Variants in NSMCE2 observed in about 807,000 individuals in gnomAD.
The protein encoded by NSMCE2 is E3 SUMO-protein ligase NSE2.
Under a neutral mutation model 23.8 loss-of-function variants are expected in NSMCE2, and 24 were observed. The observed-to-expected ratio is 1.01, with a 90% CI of 0.73 to 1.42. The LOEUF (loss-of-function observed/expected upper bound fraction) is 1.42. Among genes scored for constraint, NSMCE2 ranks in the 40% most tolerant of loss-of-function variants. NSMCE2 has a pLI of 0.00. For missense variants in NSMCE2, 284 were observed against 296.5 expected (o/e 0.96, Z 0.31); for synonymous variants, 92 against 94.1 (o/e 0.98, Z 0.13).
rs1818217236 is a variant in NSMCE2, at chr8:125,102,056, A to G, written c.-105A>G. 6.5e-6 allele frequency: 2 copies of G among 308,682 alleles called. No homozygotes were observed. Among genetic ancestry groups the G allele is most frequent in the Non-Finnish European group, 1.2e-5 (2 of 164,588 alleles). The allele number at this position is 308,682 out of a possible 1,614,324, so 19.1% of individuals were successfully genotyped here. Reference sequence around the variant, plus strand: ...TATTGTTGACTTCTTCACAGAATCAAGCACTCTTTTGGAAGAGGGTAATCT... The same window carrying G: ...TATTGTTGACTTCTTCACAGAATCAGGCACTCTTTTGGAAGAGGGTAATCT... On this transcript the variant is annotated 5_prime_UTR_variant, in exon 2 of 8. Transcript: ENST00000287437.
intron 5 of NSMCE2, among the ~76,000 whole-genome samples, chr8:125,321,955 C>T (rs773051884): frequency 6.6e-6 from 1 of 152,148 alleles, no homozygotes; most frequent in Non-Finnish European, 1.5e-5. Flanking sequence ...GGAGGTTGAG[C>T]ATCTTTATGT....
intron 5 of NSMCE2, among the ~76,000 whole-genome samples, chr8:125,255,805 A>C (rs955816888): frequency 5.9e-5 from 9 of 152,182 alleles, no homozygotes; most frequent in African/African-American, 1.2e-4. Context: ...AAATCCTTCT[A>C]TCAGCAGTGG....
chr8:125,285,740 AATTC>A (rs1223848760), intron 5 of NSMCE2, among the ~76,000 whole-genome samples: 4 of 130,462 alleles, frequency 3.1e-5, no homozygotes, highest in African/African-American at 1.2e-4. Flanking sequence ...GTATGCTAAG[AATTC>A]TTCATACACA....
chr8:125,241,783 C>T (rs1047775441), intron 5 of NSMCE2, among the ~76,000 whole-genome samples: 3 of 152,136 alleles, frequency 2.0e-5, no homozygotes, highest in Non-Finnish European at 2.9e-5. Context: ...TTGGAAATCA[C>T]AGAATTTAGT....
rs544326536 is a variant in NSMCE2, at chr8:125,236,466, C to T, written c.418+54210C>T. Among the ~76,000 whole-genome samples the T allele has an allele frequency of 1.7e-3, 254 of 151,736 alleles. 1 individual carries two copies. Among genetic ancestry groups the T allele is most frequent in the Non-Finnish European group, 3.2e-3 (216 of 67,908 alleles). On this transcript the variant is annotated intron_variant, in intron 5 of 7. Transcript: ENST00000287437. ...TAGGGGTCTTAATATATACATTTTA[C>T]ATAATAAGTATATAAATTTATGTGT... is the stretch of plus-strand genomic sequence containing the variant.
chr8:125,234,974 G>A (rs2130957976), intron 5 of NSMCE2, among the ~76,000 whole-genome samples: 1 of 152,230 alleles, frequency 6.6e-6, no homozygotes, highest in African/African-American at 2.4e-5. Flanking sequence ...TCCCTGGCCA[G>A]GCGTGGTGGC....
At chr8:125,345,750 G>C (rs1396290331) in intron 5 of NSMCE2, among the ~76,000 whole-genome samples, 1 of 152,202 alleles carries the variant, frequency 6.6e-6, no homozygotes, top group Non-Finnish European at 1.5e-5. Context: ...AAATATGGGT[G>C]AACTGTAGTC....
intron 5 of NSMCE2, among the ~76,000 whole-genome samples, chr8:125,249,818 A>G (rs765871286): frequency 6.6e-6 from 1 of 152,040 alleles, no homozygotes; most frequent in Non-Finnish European, 1.5e-5. Context: ...GATGGTGATC[A>G]TTATTATTAT....
chr8:125,124,042 C>T (rs988107493), intron 3 of NSMCE2: 1 of 152,164 alleles, frequency 6.6e-6, no homozygotes, highest in Non-Finnish European at 1.5e-5. Context: ...TTAGCTATTG[C>T]CTTCCTGTTT....
chr8:125,193,154 G>T lies in NSMCE2; in HGVS notation c.418+10898G>T, dbSNP rs1469976807. Among the ~76,000 whole-genome samples, 4 of 152,098 alleles carry T rather than the reference G, an allele frequency of 2.6e-5. No homozygotes were observed. In the East Asian group the frequency reaches 7.7e-4, roughly 29 times the overall value. On this transcript the variant is annotated intron_variant, in intron 5 of 7. Transcript: ENST00000287437. The stretch of plus-strand genomic sequence containing the variant: ...GCTTATGCTATTAAGAGTTAACAGG[G>T]TATAAAGTTGAGTATTCAGTATGAT...
intron 3 of NSMCE2, among the ~76,000 whole-genome samples, chr8:125,106,462 G>A (rs1228744010): frequency 1.3e-5 from 2 of 151,802 alleles, no homozygotes; most frequent in Admixed American, 6.6e-5. Context: ...GGTGGATCAC[G>A]AGGTCAGGAG....
At chr8:125,270,974 A>C (rs1253626217) in intron 5 of NSMCE2, 2 of 152,004 alleles carry the variant, frequency 1.3e-5, no homozygotes, top group Non-Finnish European at 2.9e-5. Context: ...GTATAAGACT[A>C]CTCTAGGCCA....
chr8:125,366,635 T>C (rs1197735584), intron 7 of NSMCE2, 133 bp from the exon 8 acceptor site: 1 of 656,536 alleles, frequency 1.5e-6, no homozygotes, highest in African/African-American at 1.8e-5. Flanking sequence ...AATAAATGAA[T>C]GAGCACAGCT....
intron 3 of NSMCE2, among the ~76,000 whole-genome samples, chr8:125,114,263 T>A (rs1426662353): frequency 6.6e-6 from 1 of 152,222 alleles, no homozygotes; most frequent in African/African-American, 2.4e-5. Flanking sequence ...TTATTTATTG[T>A]CTGTGTCTGC....
rs75918233 is a variant in NSMCE2 at position 125,110,984 on chromosome 8, A to G, written c.157+8497A>G. On this transcript the variant is annotated intron_variant, in intron 3 of 7. Coordinates refer to ENST00000287437, the MANE Select transcript of NSMCE2 (RefSeq NM_173685.4). ...AAAGAAACCCCTGTTTGGCTAAGCA[A>G]CAGCTCTCATGTTTGCTCTTCTTTG... Among the ~76,000 whole-genome samples, 1,020 of 151,928 alleles carry G rather than the reference A, an allele frequency of 6.7e-3. 4 individuals carry two copies. The highest frequency in any genetic ancestry group is 0.011 in the Non-Finnish European group (776 of 67,928).
chr8:125,343,574 G>A (rs996983163), intron 5 of NSMCE2, among the ~76,000 whole-genome samples: 17 of 152,084 alleles, frequency 1.1e-4, no homozygotes, highest in Non-Finnish European at 2.1e-4. Context: ...AGGAGGTCAA[G>A]GCTACAGCAA....
intron 7 of NSMCE2, among the ~76,000 whole-genome samples, chr8:125,361,800 G>A (rs1813566629): frequency 6.6e-6 from 1 of 152,154 alleles, no homozygotes. Context: ...TTGACTCAGG[G>A]GTTGTAAGAT....
chr8:125,359,737 A>C (rs1813446635), intron 7 of NSMCE2, among the ~76,000 whole-genome samples: 1 of 152,222 alleles, frequency 6.6e-6, no homozygotes. Context: ...AAAGTACTTA[A>C]AGTAGCTGGT....
chr8:125,196,986 G>A (rs562535641), intron 5 of NSMCE2, among the ~76,000 whole-genome samples: 12 of 152,266 alleles, frequency 7.9e-5, no homozygotes, highest in East Asian at 5.8e-4. Flanking sequence ...TCTGTTGGCC[G>A]CATAAATGTC....
Sources: allele counts gnomAD v4.1 joint callset (sites outside exome capture counted in the v4.1 genomes callset), GRCh38; gene constraint gnomAD v4.1.1; transcripts MANE v1.5; gene names NCBI Gene and HGNC (gene_info 2026-07-23, HGNC 2026-07-21).